The following SPATA31H1 variants were observed in gnomAD, a reference collection of about 807,000 sequenced individuals.
SPATA31H1 encodes spermatogenesis-associated protein 31H1.
chr2:27,559,473 C>T, the SPATA31H1 span, among the ~76,000 whole-genome samples: 38 of 152,248 alleles, frequency 2.5e-4, no homozygotes, highest in African/African-American at 8.9e-4. Flanking sequence ...TTTTTGATCC[C>T]TTGATAGGTC....
At chr2:27,579,173 C>T in the SPATA31H1 span, 1 of 1,614,190 alleles carries the variant, frequency 6.2e-7, no homozygotes, top group South Asian at 1.1e-5. Context: ...TCAAGTCTTT[C>T]CCGGGCAGAC....
chr2:27,581,232 T>C, the SPATA31H1 span: 3 of 1,614,210 alleles, frequency 1.9e-6, no homozygotes, highest in African/African-American at 4.0e-5. Context: ...ACGCGGTCCT[T>C]CTGAGAGAAC....
At chr2:27,574,848 T>A in the SPATA31H1 span, 1 of 398,492 alleles carries the variant, frequency 2.5e-6, no homozygotes, top group Non-Finnish European at 4.4e-6. Context: ...AGATGTAAAA[T>A]CTATGGAGTT....
At chr2:27,555,303 A>G in the SPATA31H1 span, among the ~76,000 whole-genome samples, 1 of 151,972 alleles carries the variant, frequency 6.6e-6, no homozygotes, top group Non-Finnish European at 1.5e-5. Context: ...TAGGCATACT[A>G]TGAATAGTTT....
At chr2:27,580,991 G>A in the SPATA31H1 span, 1 of 1,614,138 alleles carries the variant, frequency 6.2e-7, no homozygotes, top group South Asian at 1.1e-5. Flanking sequence ...CAGTGGGGCA[G>A]CCTCTGAGAA....
At chr2:27,567,854 A>G in the SPATA31H1 span, 1 of 398,936 alleles carries the variant, frequency 2.5e-6, no homozygotes, top group Non-Finnish European at 4.4e-6. Context: ...CATTGGCACT[A>G]CTTCGGGTCA....
the SPATA31H1 span, among the ~76,000 whole-genome samples, chr2:27,563,749 C>G: frequency 6.6e-6 from 1 of 151,948 alleles, no homozygotes; most frequent in Non-Finnish European, 1.5e-5. Context: ...TTAGTAGAGA[C>G]GGTGTTTCAC....
chr2:27,582,408 C>T, the SPATA31H1 span: 2 of 1,614,108 alleles, frequency 1.2e-6, no homozygotes, highest in Admixed American at 1.7e-5. Context: ...GTACAGTTTC[C>T]CTGGAGAGAG....
the SPATA31H1 span, among the ~76,000 whole-genome samples, chr2:27,563,295 A>AT: frequency 1.7e-5 from 2 of 116,406 alleles, no homozygotes; most frequent in East Asian, 2.5e-4. Flanking sequence ...GGTATCTTAT[A>AT]TTTTTTCTAG....
At chr2:27,578,690 ACACGTGTGT>A in the SPATA31H1 span, 5 of 1,614,142 alleles carry the variant, frequency 3.1e-6, no homozygotes, top group East Asian at 1.1e-4. Context: ...TGAATCTAGG[ACACGTGTGT>A]CAGAATAGGG....
At chr2:27,559,056 C>T in the SPATA31H1 span, among the ~76,000 whole-genome samples, 1 of 152,160 alleles carries the variant, frequency 6.6e-6, no homozygotes, top group Non-Finnish European at 1.5e-5. Flanking sequence ...ATCTCTTAGT[C>T]TTCAGTCAGT....
chr2:27,549,740 C>T, the SPATA31H1 span, among the ~76,000 whole-genome samples: 5 of 151,908 alleles, frequency 3.3e-5, no homozygotes, highest in East Asian at 1.9e-4. Context: ...GCCTGGGAGG[C>T]GAAGGTTGCA....
chr2:27,562,249 T>A, the SPATA31H1 span, among the ~76,000 whole-genome samples: 1 of 152,128 alleles, frequency 6.6e-6, no homozygotes, highest in Non-Finnish European at 1.5e-5. Flanking sequence ...ATATTAATTT[T>A]AGAGCATTTA....
the SPATA31H1 span, chr2:27,581,570 TGA>T: frequency 6.8e-7 from 1 of 1,461,336 alleles, no homozygotes; most frequent in Non-Finnish European, 9.2e-7. Context: ...GCAGTTCCTC[TGA>T]GAGAAGACAT....
chr2:27,575,823 C>T, the SPATA31H1 span: 1 of 398,214 alleles, frequency 2.5e-6, no homozygotes, highest in Non-Finnish European at 4.4e-6. This position sits in a 1 kb window ranked among gnomAD's most constrained non-coding sequence, Gnocchi z 4.1. Flanking sequence ...GCCAAAAGCT[C>T]ACTGTGTAAA....
chr2:27,559,060 A>G, the SPATA31H1 span, among the ~76,000 whole-genome samples: 2 of 152,172 alleles, frequency 1.3e-5, no homozygotes, highest in Non-Finnish European at 2.9e-5. Context: ...CTTAGTCTTC[A>G]GTCAGTCGGT....
chr2:27,575,401 C>T, the SPATA31H1 span: 1 of 398,494 alleles, frequency 2.5e-6, no homozygotes. The surrounding 1 kb of genome is among the most constrained non-coding windows in gnomAD (Gnocchi z 4.1). Context: ...TGCACAGGGA[C>T]AAAGCTTCAA....
chr2:27,578,559 A>G, the SPATA31H1 span: 3 of 1,613,884 alleles, frequency 1.9e-6, no homozygotes, highest in Non-Finnish European at 2.5e-6. Flanking sequence ...TGCAGAATTA[A>G]CCTCACCGCA....
the SPATA31H1 span, among the ~76,000 whole-genome samples, chr2:27,541,153 G>T: frequency 6.6e-6 from 1 of 150,814 alleles, no homozygotes; most frequent in African/African-American, 2.5e-5. Context: ...TCGGGAGGCC[G>T]AGGCTGGCGG....
Sources: gnomAD v4.1 joint callset for allele counts (sites outside exome capture counted in the v4.1 genomes callset) on GRCh38, gnomAD v4.1.1 for gene constraint, Gnocchi (gnomAD v3.1) non-coding constraint, MANE v1.5 for transcripts, NCBI Gene and HGNC (gene_info 2026-07-23, HGNC 2026-07-21) for gene names.